The following ITFG2 variants were observed in gnomAD, a reference collection of about 807,000 sequenced individuals.
ITFG2 encodes KICSTOR complex protein ITFG2.
In ITFG2, 36 loss-of-function variants were observed where a neutral mutation model predicts 54.4. That is an observed-to-expected ratio of 0.66 (90% CI 0.51 to 0.87). The LOEUF is 0.87. Ranked by LOEUF, ITFG2 falls within the 40% of genes least tolerant of loss-of-function variation. The pLI, the probability that ITFG2 is intolerant of heterozygous loss-of-function variation, is 0.00. For missense variants in ITFG2, 524 were observed against 576.7 expected (o/e 0.91, Z 0.94); for synonymous variants, 211 against 225.4 (o/e 0.94, Z 0.57).
chr12:2,826,988 G>T (rs192098700), downstream of ITFG2: 143 of 1,372,194 alleles, frequency 1.0e-4, no homozygotes, highest in African/African-American at 2.0e-3. Flanking sequence ...CTGGCATCGT[G>T]GGCCCTCTAG....
At chr12:2,818,986 CT>C (rs1229999017) in intron 4 of ITFG2, among the ~76,000 whole-genome samples, 2 of 151,900 alleles carry the variant, frequency 1.3e-5, no homozygotes, top group East Asian at 3.9e-4. Flanking sequence ...CCACTGCACT[CT>C]AGCCTAGGCA....
At chr12:2,820,484 C>T (rs2097939817) in intron 5 of ITFG2, among the ~76,000 whole-genome samples, 1 of 152,044 alleles carries the variant, frequency 6.6e-6, no homozygotes, top group Non-Finnish European at 1.5e-5. Context: ...GACCTAGACC[C>T]CAGCTGGGAC....
At chr12:2,823,997 G>A (rs1335310767) in intron 11 of ITFG2, 54 bp downstream of exon 11, 2 of 1,611,936 alleles carry the variant, frequency 1.2e-6, no homozygotes, top group South Asian at 2.2e-5. Context: ...ACAGCATGCT[G>A]CAGGAGCTGG....
intron 5 of ITFG2, 96 bp from the exon 6 acceptor site, chr12:2,820,628 G>GGGCCCCCCC: frequency 1.8e-4 from 45 of 251,778 alleles, no homozygotes; most frequent in East Asian, 3.8e-4. Flanking sequence ...CCCTGCCCCT[G>GGGCCCCCCC]CCCCCGCCCC....
intron 1 of ITFG2, among the ~76,000 whole-genome samples, chr12:2,815,351 G>A (rs892252362): frequency 7.2e-5 from 11 of 152,166 alleles, no homozygotes; most frequent in African/African-American, 2.2e-4. Flanking sequence ...GGTTAACATC[G>A]TGAGCCCCTG....
chr12:2,853,775 G>A lies in ITFG2; in HGVS notation n.301-4237G>A, dbSNP rs550933811. ...GGCTGGACACAGTTGGGAAGCATCC[G>A]TGAGTTCCCAGGGTGGCCGGGAGGG... On this transcript the variant is annotated intron_variant and non_coding_transcript_variant, in intron 2 of 3. Transcript: ENST00000537710. Among the ~76,000 whole-genome samples the A allele has an allele frequency of 2.6e-4, 39 of 152,180 alleles. 1 individual carries two copies. Among genetic ancestry groups the A allele is most frequent in the South Asian group, 8.3e-4 (4 of 4,820 alleles).
At chr12:2,822,755 C>T (rs754107402) in intron 9 of ITFG2, 39 bp from the exon 10 acceptor site, 3 of 1,557,972 alleles carry the variant, frequency 1.9e-6, no homozygotes, top group African/African-American at 1.4e-5. Flanking sequence ...ATCCAGTCCA[C>T]AGCTCCTTTA....
At chr12:2,842,512 G>A (rs1431173569) in intron 2 of ITFG2, among the ~76,000 whole-genome samples, 2 of 152,030 alleles carry the variant, frequency 1.3e-5, no homozygotes, top group East Asian at 1.9e-4. Context: ...AAGGCAAGAC[G>A]ATCACCTGAG....
chr12:2,855,305 C>T (rs1393955251), intron 2 of ITFG2: 2 of 1,528,100 alleles, frequency 1.3e-6, no homozygotes, highest in Admixed American at 2.0e-5. Context: ...GACTTCATAT[C>T]TGTGCAGGGC....
At chr12:2,827,629 A>T (rs2097975150), downstream of ITFG2, 2 of 1,614,124 alleles carry the variant, frequency 1.2e-6, no homozygotes, top group Non-Finnish European at 1.7e-6. The surrounding 1 kb of genome is among the most constrained non-coding windows in gnomAD (Gnocchi z 4.0). Context: ...CCTTACCTTG[A>T]GAGAAAGCAG....
intron 2 of ITFG2, among the ~76,000 whole-genome samples, chr12:2,847,556 A>G (rs1486412520): frequency 1.3e-5 from 2 of 151,730 alleles, no homozygotes; most frequent in Non-Finnish European, 2.9e-5. Context: ...AGTCCCAGCT[A>G]CTCGGGAGGC....
chr12:2,823,711 G>A, intron 10 of ITFG2, 59 bp from the exon 11 acceptor site: 1 of 1,501,880 alleles, frequency 6.7e-7, no homozygotes, highest in Non-Finnish European at 8.9e-7. Context: ...CTTGCTGTCT[G>A]CCCCCCACTG....
chr12:2,824,035 G>A lies in ITFG2; in HGVS notation c.1241-55G>A, dbSNP rs1603483370. On this transcript the variant is annotated intron_variant, in intron 11 of 11. Transcript: ENST00000228799. ...GTGGGTGAGTCCCAGAAAAGCCAGT[G>A]GCCCGGGTGCCCAGGAGACCCACAG... is the stretch of plus-strand genomic sequence containing the variant. 4.3e-6 allele frequency: 7 copies of A among 1,613,596 alleles called. No homozygotes were observed. In the East Asian group the frequency reaches 1.6e-4, roughly 36 times the overall value.
At chr12:2,835,084 A>G, upstream of ITFG2, 2 of 1,437,326 alleles carry the variant, frequency 1.4e-6, no homozygotes, top group South Asian at 1.5e-5. Flanking sequence ...GAGGGTTGGC[A>G]GGGCCCACAG....
chr12:2,859,677 A>C (rs1373819956), exon 4 of ITFG2: 1 of 1,588,846 alleles, frequency 6.3e-7, no homozygotes. Context: ...AAAGGGAAAC[A>C]GAGATAAGGT....
Position 2,819,313 on chromosome 12 carries a change from A to G in ITFG2, c.407-773A>G, listed in dbSNP as rs575814783. ...CCCCGTCTCTACTAAAAATACAAAAAAAAAATTAACCGGGCATGGTGGTGG... is the reference window on the plus strand; with the variant it reads ...CCCCGTCTCTACTAAAAATACAAAAGAAAAATTAACCGGGCATGGTGGTGG... On this transcript the variant is annotated intron_variant, in intron 4 of 11. Transcript: ENST00000228799. Among the ~76,000 whole-genome samples the G allele has an allele frequency of 2.6e-5, 4 of 151,562 alleles. No homozygotes were observed. In the South Asian group the frequency reaches 8.3e-4, roughly 32 times the overall value.
intron 1 of ITFG2, among the ~76,000 whole-genome samples, chr12:2,839,729 G>A (rs2153927010): frequency 6.6e-6 from 1 of 152,236 alleles, no homozygotes; most frequent in South Asian, 2.1e-4. Context: ...ACCTCAGGTG[G>A]TGGTAAGTGC....
Position 2,817,950 on chromosome 12 carries a change from G to A in ITFG2, c.234G>A (p.Lys78=). 3.1e-6 allele frequency: 5 copies of A among 1,613,720 alleles called. No individual in the cohort carries two copies. The highest frequency in any genetic ancestry group is 4.2e-6 in the Non-Finnish European group (5 of 1,179,886). Residue 78 remains lysine, a splice_region_variant and synonymous_variant, in exon 3 of 12, where the codon AAG becomes AAA. Coordinates refer to ENST00000228799, the MANE Select transcript of ITFG2 (RefSeq NM_018463.4). Reference sequence around the variant, plus strand: ...TTGGAGACGTGTGTAATAAAGGAAAGGTAAGAACTATAGGGGACCTTCCTT... The same window carrying A: ...TTGGAGACGTGTGTAATAAAGGAAAAGTAAGAACTATAGGGGACCTTCCTT... ...VGVGDVCNKG[K]NLLVAVSAEG...
chr12:2,822,778 C>T lies in ITFG2; in HGVS notation c.949-16C>T, dbSNP rs2097949835. The T allele has an allele frequency of 6.2e-7, 1 of 1,604,796 alleles. No individual in the cohort carries two copies. The highest frequency in any genetic ancestry group is 8.5e-7 in the Non-Finnish European group (1 of 1,171,632). ...CACAGCTCCTTTATGTTCCTTTTGT[C>T]TCTGTCCTTTTTCAGGGCAACGGGC... On this transcript the variant is annotated splice_polypyrimidine_tract_variant and intron_variant, in intron 9 of 11. Transcript: ENST00000228799.
Sources: gnomAD v4.1 joint callset for allele counts (sites outside exome capture counted in the v4.1 genomes callset) on GRCh38, gnomAD v4.1.1 for gene constraint, Gnocchi (gnomAD v3.1) non-coding constraint, MANE v1.5 for transcripts, NCBI Gene and HGNC (gene_info 2026-07-23, HGNC 2026-07-21) for gene names.